The following FAM76B variants were observed in gnomAD, a reference collection of about 807,000 sequenced individuals.
FAM76B encodes family with sequence similarity 76 member B.
In FAM76B, 16 loss-of-function variants were observed where a neutral mutation model predicts 51.8. The observed-to-expected ratio is 0.31, with a 90% CI of 0.21 to 0.47. The LOEUF (loss-of-function observed/expected upper bound fraction) is 0.47, where lower values mean the gene tolerates loss of function less well. FAM76B is among the 20% of genes least tolerant of loss of function. The pLI is 1.00. For missense variants in FAM76B, 342 were observed against 392.6 expected (o/e 0.87, Z 1.09); for synonymous variants, 166 against 129.5 (o/e 1.28, Z -1.91).
chr11:95,787,718 TTCTAA>T (rs747725507), intron 2 of FAM76B, 40 bp from the exon 3 acceptor site: 118 of 1,505,424 alleles, frequency 7.8e-5, no homozygotes, highest in Non-Finnish European at 9.8e-5. Flanking sequence ...TTATGTAGCT[TTCTAA>T]AGTAATTAGC....
intron 2 of FAM76B, 22 bp downstream of exon 2, chr11:95,788,477 A>T: frequency 1.9e-6 from 3 of 1,572,090 alleles, no homozygotes; most frequent in Non-Finnish European, 2.6e-6. Context: ...TTTAACAGTC[A>T]AAAACTATTC....
chr11:95,788,189 C>G (rs1305671077), intron 2 of FAM76B, among the ~76,000 whole-genome samples: 2 of 152,176 alleles, frequency 1.3e-5, no homozygotes, highest in Non-Finnish European at 2.9e-5. Context: ...TTCCTCAGAT[C>G]CATTAAGGCT....
rs1377700249 is a variant in FAM76B at position 95,770,750 on chromosome 11, T to A, written c.*811A>T. ...AATCTCAAACATTTTACTAGCAACT[T>A]TGATTTCCTTTTGAAATAGGCTTCT... On this transcript the variant is annotated 3_prime_UTR_variant, in exon 10 of 10. Transcript: ENST00000358780. 6.6e-6 allele frequency: 1 copy of A among 151,748 alleles called. No homozygotes were observed. The highest frequency in any genetic ancestry group is 2.1e-4 in the South Asian group (1 of 4,826). The allele number at this position is 151,748 out of a possible 1,614,324, so 9.4% of individuals were successfully genotyped here.
chr11:95,786,088 CAGA>C (rs756327609), intron 4 of FAM76B, 28 bp downstream of exon 4: 1 of 1,571,638 alleles, frequency 6.4e-7, no homozygotes, highest in Admixed American at 1.8e-5. Flanking sequence ...ATTTAATTTC[CAGA>C]AGATGTCATA....
At chr11:95,779,765 A>T in intron 6 of FAM76B, 78 bp from the exon 7 acceptor site, 1 of 1,564,914 alleles carries the variant, frequency 6.4e-7, no homozygotes, top group Non-Finnish European at 8.7e-7. Context: ...ATCTTCCCCT[A>T]AAATATTACT....
chr11:95,788,964 G>C (rs1008491697), intron 1 of FAM76B: 3 of 1,349,212 alleles, frequency 2.2e-6, no homozygotes, highest in African/African-American at 2.9e-5. Flanking sequence ...AGGGAAGAAG[G>C]ATGCCATCAG....
rs762532217 is a variant in FAM76B at position 95,783,250 on chromosome 11, T to C, written c.378A>G (p.Leu126=). The C allele has an allele frequency of 1.5e-5, 24 of 1,612,080 alleles. No homozygotes were observed. In the Admixed American group the frequency reaches 2.5e-4, roughly 17 times the overall value. The change falls in exon 5 of 10, where the codon TTA becomes TTG. Residue 126 remains leucine (L), a synonymous_variant. Transcript: ENST00000358780. ...EEGRRKVDGK[L]LCWLCTLSYK... ...ACGATAAAGTACAGAGCCAGCATAA[T>C]AACTTTCCATCAACCTTTTAAGAAA...
chr11:95,785,063 C>T (rs1468508488), intron 4 of FAM76B, among the ~76,000 whole-genome samples: 5 of 152,154 alleles, frequency 3.3e-5, no homozygotes, highest in Non-Finnish European at 1.5e-5. Flanking sequence ...TACCCATAGT[C>T]AACCTTAGTC....
At chr11:95,783,631 T>C (rs147722921) in intron 4 of FAM76B, among the ~76,000 whole-genome samples, 6 of 152,388 alleles carry the variant, frequency 3.9e-5, no homozygotes, top group Admixed American at 2.6e-4. Context: ...TAATAATTTT[T>C]CACTACAGTA....
chr11:95,773,091 T>C (rs1859841442), intron 9 of FAM76B, among the ~76,000 whole-genome samples: 1 of 150,294 alleles, frequency 6.7e-6, no homozygotes, highest in African/African-American at 2.4e-5. Context: ...TTTATACTGA[T>C]ACAAAATAGT....
chr11:95,781,643 C>T (rs1245525416), intron 5 of FAM76B, among the ~76,000 whole-genome samples: 2 of 152,068 alleles, frequency 1.3e-5, no homozygotes, highest in Non-Finnish European at 2.9e-5. Context: ...GTAGGTCTGA[C>T]ATATGCTATT....
chr11:95,782,814 T>G (rs1252437770), intron 5 of FAM76B, among the ~76,000 whole-genome samples: 1 of 152,214 alleles, frequency 6.6e-6, no homozygotes, highest in Non-Finnish European at 1.5e-5. Flanking sequence ...TACTTGTATT[T>G]TGACTTTACA....
intron 2 of FAM76B, among the ~76,000 whole-genome samples, chr11:95,788,042 T>A (rs1860699938): frequency 6.6e-6 from 1 of 152,190 alleles, no homozygotes; most frequent in Non-Finnish European, 1.5e-5. Context: ...ATGAAGAAAT[T>A]ATTTGTTCTT....
intron 3 of FAM76B, 148 bp from the exon 4 acceptor site, chr11:95,786,422 A>G: frequency 2.8e-6 from 2 of 720,104 alleles, no homozygotes; most frequent in Non-Finnish European, 2.2e-6. Flanking sequence ...GTCACATGCA[A>G]TAACTTTTAT....
chr11:95,771,566 G>T lies in FAM76B; in HGVS notation c.1015C>A (p.Pro339Thr). The T allele has an allele frequency of 6.2e-7, 1 of 1,602,820 alleles. No individual in the cohort carries two copies. Among genetic ancestry groups the T allele is most frequent in the South Asian group, 1.1e-5 (1 of 90,350 alleles). The change falls in exon 10 of 10, where the codon CCT (proline) becomes ACT (threonine). Residue 339 changes from proline to threonine, a missense_variant. Pro to Thr is a conservative substitution (Grantham distance 38). Transcript: ENST00000358780. ...FDKSGSILTS[P>T] ...ATGCTAAACAAATGACTTTCTCAAG[G>T]AGATGTTAGTATGCTTCCACTTTTG...
At chr11:95,777,307 C>A (rs1227573339) in intron 8 of FAM76B, among the ~76,000 whole-genome samples, 1 of 151,254 alleles carries the variant, frequency 6.6e-6, no homozygotes, top group Non-Finnish European at 1.5e-5. Flanking sequence ...TAATTTCAAT[C>A]CCCATTAGTG....
At chr11:95,776,050 T>C in intron 8 of FAM76B, 27 bp from the exon 9 acceptor site, 42 of 1,318,026 alleles carry the variant, frequency 3.2e-5, no homozygotes, top group Non-Finnish European at 4.3e-5. Flanking sequence ...AAAATATATG[T>C]ATATATTTGC....
chr11:95,777,296 C>A (rs899875012), intron 8 of FAM76B, among the ~76,000 whole-genome samples: 3 of 151,236 alleles, frequency 2.0e-5, no homozygotes, highest in Non-Finnish European at 3.0e-5. Flanking sequence ...TACAACAATG[C>A]TAATTTCAAT....
chr11:95,782,164 T>G (rs1468030575), intron 5 of FAM76B, among the ~76,000 whole-genome samples: 1 of 152,154 alleles, frequency 6.6e-6, no homozygotes, highest in Non-Finnish European at 1.5e-5. Context: ...AGACTAAAAT[T>G]GCATTTTAAA....
Sources: gnomAD v4.1 joint callset for allele counts (sites outside exome capture counted in the v4.1 genomes callset) on GRCh38, gnomAD v4.1.1 for gene constraint, MANE v1.5 for transcripts, NCBI Gene and HGNC (gene_info 2026-07-23, HGNC 2026-07-21) for gene names.